Variants in IFT56 observed in about 807,000 individuals in gnomAD.
The protein encoded by IFT56 is intraflagellar transport 56.
the IFT56 span, among the ~76,000 whole-genome samples, chr7:139,143,934 A>C: frequency 6.6e-6 from 1 of 152,258 alleles, no homozygotes; most frequent in South Asian, 2.1e-4. Context: ...TTTCTAGAAA[A>C]ATTAAAGGAC....
At chr7:139,167,681 G>A in the IFT56 span, among the ~76,000 whole-genome samples, 7 of 152,274 alleles carry the variant, frequency 4.6e-5, no homozygotes, top group Admixed American at 4.6e-4. Flanking sequence ...GCTCACACCT[G>A]TAGTCCCAGC....
At chr7:139,169,298 A>G in the IFT56 span, 1 of 1,614,062 alleles carries the variant, frequency 6.2e-7, no homozygotes, top group East Asian at 2.2e-5. Flanking sequence ...GAGGGATCAT[A>G]TGAAAATTGC....
the IFT56 span, chr7:139,187,649 T>C: frequency 1.5e-6 from 2 of 1,368,152 alleles, no homozygotes; most frequent in Non-Finnish European, 2.0e-6. Flanking sequence ...TAATGATGTT[T>C]TAGAATGATG....
the IFT56 span, among the ~76,000 whole-genome samples, chr7:139,156,283 C>T: frequency 3.3e-5 from 5 of 151,914 alleles, no homozygotes; most frequent in Non-Finnish European, 7.4e-5. Context: ...TTTCAAGGAA[C>T]CGGCTTCTGG....
the IFT56 span, among the ~76,000 whole-genome samples, chr7:139,166,658 A>G: frequency 6.6e-6 from 1 of 152,166 alleles, no homozygotes; most frequent in Non-Finnish European, 1.5e-5. Flanking sequence ...TGAGTTTTCT[A>G]AGGATATTTG....
chr7:139,141,853 C>T, the IFT56 span, among the ~76,000 whole-genome samples: 1 of 152,174 alleles, frequency 6.6e-6, no homozygotes, highest in Admixed American at 6.5e-5. Flanking sequence ...AAGGAATTAA[C>T]AAAGAATACT....
chr7:139,141,685 A>C, the IFT56 span, among the ~76,000 whole-genome samples: 4 of 152,204 alleles, frequency 2.6e-5, no homozygotes, highest in Admixed American at 2.6e-4. Context: ...AAGTTTTCCA[A>C]GAGTGCAAAG....
the IFT56 span, chr7:139,172,715 TGTTA>T: frequency 1.6e-6 from 1 of 625,036 alleles, no homozygotes; most frequent in Non-Finnish European, 3.1e-6. Flanking sequence ...TCGCAGCAAA[TGTTA>T]TACCCCATAA....
At chr7:139,175,568 A>G in the IFT56 span, among the ~76,000 whole-genome samples, 1 of 152,200 alleles carries the variant, frequency 6.6e-6, no homozygotes, top group Non-Finnish European at 1.5e-5. Flanking sequence ...GATGAGATGA[A>G]TGAGATGAGA....
chr7:139,148,260 C>T, the IFT56 span: 1 of 1,613,894 alleles, frequency 6.2e-7, no homozygotes, highest in Admixed American at 1.7e-5. Context: ...AGTTGGATTA[C>T]TATGATGTGT....
At chr7:139,171,917 A>G in the IFT56 span, among the ~76,000 whole-genome samples, 1 of 152,202 alleles carries the variant, frequency 6.6e-6, no homozygotes, top group Admixed American at 6.5e-5. Flanking sequence ...GTAAAATCTC[A>G]AACAAGAAAC....
the IFT56 span, among the ~76,000 whole-genome samples, chr7:139,135,007 GC>G: frequency 1.3e-5 from 2 of 152,068 alleles, no homozygotes; most frequent in East Asian, 3.9e-4. Flanking sequence ...TTGGCCGGGC[GC>G]GGTGGCTCAT....
At chr7:139,150,730 A>T in the IFT56 span, among the ~76,000 whole-genome samples, 2 of 152,202 alleles carry the variant, frequency 1.3e-5, no homozygotes, top group Admixed American at 1.3e-4. Context: ...TCAGTGTCTC[A>T]CAAACACCAA....
chr7:139,166,875 C>T, the IFT56 span: 1 of 1,583,572 alleles, frequency 6.3e-7, no homozygotes, highest in Non-Finnish European at 8.7e-7. Flanking sequence ...AATTAAGGAT[C>T]TGGAACCTAC....
the IFT56 span, chr7:139,181,333 C>G: frequency 2.4e-5 from 14 of 574,384 alleles, no homozygotes; most frequent in South Asian, 2.8e-4. Flanking sequence ...ATAAGAGATG[C>G]CATTCTTTTT....
At chr7:139,154,935 C>T in the IFT56 span, among the ~76,000 whole-genome samples, 1 of 152,052 alleles carries the variant, frequency 6.6e-6, no homozygotes, top group Non-Finnish European at 1.5e-5. Flanking sequence ...ATCTTAATAA[C>T]ATTAAGTCTT....
the IFT56 span, among the ~76,000 whole-genome samples, chr7:139,156,615 T>G: frequency 6.6e-6 from 1 of 152,156 alleles, no homozygotes; most frequent in African/African-American, 2.4e-5. Context: ...GATTTTCTTT[T>G]ATATTTAAGT....
chr7:139,163,866 T>C, the IFT56 span, among the ~76,000 whole-genome samples: 1 of 152,168 alleles, frequency 6.6e-6, no homozygotes, highest in Non-Finnish European at 1.5e-5. Flanking sequence ...ACTAAATAGA[T>C]ATTTCGGGGT....
chr7:139,188,669 C>T, the IFT56 span, among the ~76,000 whole-genome samples: 4 of 152,222 alleles, frequency 2.6e-5, no homozygotes, highest in African/African-American at 7.2e-5. Flanking sequence ...CATAGGCAGT[C>T]GCCTACAGAT....
Sources: allele counts gnomAD v4.1 joint callset (sites outside exome capture counted in the v4.1 genomes callset), GRCh38; gene constraint gnomAD v4.1.1; transcripts MANE v1.5; gene names NCBI Gene and HGNC (gene_info 2026-07-23, HGNC 2026-07-21).